The following THSD7B variants were observed in gnomAD, a reference collection of about 807,000 sequenced individuals.
THSD7B encodes the protein thrombospondin type 1 domain containing 7B, also known as thrombospondin type-1 domain-containing protein 7B.
A neutral mutation model predicts 213.6 loss-of-function variants in THSD7B; 138 were observed. The observed-to-expected ratio is 0.65, with a 90% CI of 0.56 to 0.74. The LOEUF (loss-of-function observed/expected upper bound fraction) is 0.74, where lower values mean the gene tolerates loss of function less well. THSD7B is among the 30% of genes least tolerant of loss of function. THSD7B has a pLI of 0.00. For missense variants in THSD7B, 1,931 were observed against 1,991.5 expected (o/e 0.97, Z 0.58); for synonymous variants, 742 against 687.0 (o/e 1.08, Z -1.25).
intron 14 of THSD7B, 85 bp downstream of exon 14, chr2:137,411,957 G>A: frequency 6.9e-7 from 1 of 1,446,088 alleles, no homozygotes; most frequent in South Asian, 1.4e-5. Flanking sequence ...TAATAGCTCT[G>A]CTCTATAATA....
chr2:136,820,956 G>T (rs1212080372), intron 1 of THSD7B, among the ~76,000 whole-genome samples: 1 of 152,176 alleles, frequency 6.6e-6, no homozygotes, highest in Non-Finnish European at 1.5e-5. Flanking sequence ...GAATTTAGGT[G>T]AAGGGTAAAT....
chr2:136,835,783 A>G (rs1682832327), intron 1 of THSD7B, among the ~76,000 whole-genome samples: 1 of 152,182 alleles, frequency 6.6e-6, no homozygotes, highest in Non-Finnish European at 1.5e-5. Flanking sequence ...CCTGAATTCC[A>G]TGGCCCAAGA....
At chr2:137,536,041 G>A (rs1423800963) in intron 15 of THSD7B, among the ~76,000 whole-genome samples, 1 of 150,122 alleles carries the variant, frequency 6.7e-6, no homozygotes, top group Non-Finnish European at 1.5e-5. Context: ...GGAAACCACG[G>A]GTATGTGAGT....
chr2:136,897,252 G>A (rs984899568), intron 2 of THSD7B, among the ~76,000 whole-genome samples: 1 of 152,176 alleles, frequency 6.6e-6, no homozygotes, highest in African/African-American at 2.4e-5. Flanking sequence ...CTTCAAGAAT[G>A]AAGTCACGGA....
At chr2:137,506,577 A>G (rs1407492226) in intron 15 of THSD7B, among the ~76,000 whole-genome samples, 1 of 152,232 alleles carries the variant, frequency 6.6e-6, no homozygotes, top group Non-Finnish European at 1.5e-5. Flanking sequence ...AGATGTGGAG[A>G]CACATAGATA....
intron 2 of THSD7B, among the ~76,000 whole-genome samples, chr2:136,964,899 G>A (rs1389879416): frequency 6.6e-6 from 1 of 151,528 alleles, no homozygotes; most frequent in Non-Finnish European, 1.5e-5. Flanking sequence ...TACTCAGGAA[G>A]CTGAGGCAGA....
At chr2:137,556,759 G>C (rs1418751405) in intron 15 of THSD7B, among the ~76,000 whole-genome samples, 2 of 151,928 alleles carry the variant, frequency 1.3e-5, no homozygotes, top group Admixed American at 6.6e-5. Context: ...AAATTAGATA[G>C]AGTCAAGACC....
chr2:136,816,919 T>C (rs1233638168), intron 1 of THSD7B, among the ~76,000 whole-genome samples: 1 of 152,224 alleles, frequency 6.6e-6, no homozygotes, highest in Non-Finnish European at 1.5e-5. Flanking sequence ...TCATTTTTGG[T>C]AAATTTTATA....
intron 21 of THSD7B, among the ~76,000 whole-genome samples, chr2:137,646,877 T>A (rs1683043038): frequency 6.6e-6 from 1 of 152,118 alleles, no homozygotes; most frequent in South Asian, 2.1e-4. Flanking sequence ...TCCCTAATGT[T>A]TGTGACTGCT....
chr2:137,645,672 T>TAA (rs35469469), intron 21 of THSD7B, among the ~76,000 whole-genome samples: 3 of 145,144 alleles, frequency 2.1e-5, no homozygotes, highest in South Asian at 4.4e-4. Context: ...TCATGGTGTG[T>TAA]AAAAAAAAAA....
In THSD7B at chr2:137,212,037, A is replaced by G. The variant is rs557695100; in HGVS notation, c.1724-19007A>G. 7.9e-5 allele frequency among the ~76,000 whole-genome samples: 12 copies of G among 152,228 alleles called. No individual in the cohort carries two copies. The South Asian group carries it at 1.9e-3, about 24-fold the overall frequency. On this transcript the variant is annotated intron_variant, in intron 7 of 27. Transcript: ENST00000409968. ...CTAATGTGAATCACAACAATCACGT[A>G]CATGTAAAATTACACTAGTATTTTT...
intron 12 of THSD7B, among the ~76,000 whole-genome samples, chr2:137,311,617 A>G (rs1683909121): frequency 6.6e-6 from 1 of 152,104 alleles, no homozygotes; most frequent in Non-Finnish European, 1.5e-5. Flanking sequence ...GTTTTTGCCC[A>G]TTCACTATGA....
intron 17 of THSD7B, among the ~76,000 whole-genome samples, chr2:137,610,181 C>T (rs905291316): frequency 1.4e-4 from 21 of 151,948 alleles, no homozygotes; most frequent in Non-Finnish European, 1.9e-4. Flanking sequence ...ACAAGATTGC[C>T]GAATCCAAAC....
At chr2:137,090,885 G>A (rs751457901) in intron 3 of THSD7B, among the ~76,000 whole-genome samples, 1 of 152,144 alleles carries the variant, frequency 6.6e-6, no homozygotes, top group Admixed American at 6.5e-5. Context: ...GCAGCTAAGA[G>A]ATTAAGATCG....
chr2:137,213,928 A>G (rs1681177294), intron 7 of THSD7B, among the ~76,000 whole-genome samples: 1 of 152,072 alleles, frequency 6.6e-6, no homozygotes, highest in Admixed American at 6.6e-5. Context: ...TAAGCTTGAC[A>G]TTTTTAGAAT....
intron 20 of THSD7B, among the ~76,000 whole-genome samples, chr2:137,622,995 T>G (rs113696959): frequency 2.0e-5 from 3 of 152,304 alleles, no homozygotes; most frequent in African/African-American, 7.2e-5. Flanking sequence ...AGCATCATCC[T>G]GATACCAAAG....
At chr2:136,977,810 T>TTTGTTTTG (rs1558874169) in intron 2 of THSD7B, among the ~76,000 whole-genome samples, 1 of 149,172 alleles carries the variant, frequency 6.7e-6, no homozygotes, top group Non-Finnish European at 1.5e-5. Flanking sequence ...TGTTTTTTTT[T>TTTGTTTTG]TTTTTTTTTT....
chr2:137,389,242 G>T (rs1313109434), intron 12 of THSD7B, among the ~76,000 whole-genome samples: 8 of 140,366 alleles, frequency 5.7e-5, no homozygotes, highest in Admixed American at 4.2e-4. Flanking sequence ...TATATATAGA[G>T]AGAGTTTTTT....
intron 12 of THSD7B, among the ~76,000 whole-genome samples, chr2:137,300,011 C>T (rs1393775121): frequency 6.6e-6 from 1 of 152,016 alleles, no homozygotes; most frequent in African/African-American, 2.4e-5. Context: ...CTGTTATGTG[C>T]TTGATGAAAA....
Sources: gnomAD v4.1 joint callset for allele counts (sites outside exome capture counted in the v4.1 genomes callset) on GRCh38, gnomAD v4.1.1 for gene constraint, MANE v1.5 for transcripts, NCBI Gene and HGNC (gene_info 2026-07-23, HGNC 2026-07-21) for gene names.